The following SFRP5 variants were observed in gnomAD, a reference collection of about 807,000 sequenced individuals.
SFRP5 encodes secreted frizzled related protein 5.
In SFRP5, 22 loss-of-function variants were observed where a neutral mutation model predicts 27.0. The observed-to-expected ratio is 0.82, with a 90% confidence interval of 0.58 to 1.17. SFRP5 has a LOEUF of 1.17. Ranked by LOEUF, SFRP5 falls within the 50% of genes most tolerant of loss-of-function variation. The pLI is 0.00. For missense variants in SFRP5, 406 were observed against 436.6 expected (o/e 0.93, Z 0.63); for synonymous variants, 171 against 195.0 (o/e 0.88, Z 1.03).
Position 97,767,669 on chromosome 10 carries a change from C to A in SFRP5, c.799G>T (p.Val267Phe). The change falls in exon 3 of 3, where the codon GTC becomes TTC. Residue 267 changes from valine (V) to phenylalanine (F), a missense_variant. Transcript: ENST00000266066. ...QLDSLAGSFL[V>F]MGRKVDGQLL... ...TGTCCATCCACTTTGCGGCCCATGA[C>A]CAGGAAGCTGCCCGCCAGGCTGTCC... 3 of 1,614,136 alleles carry A rather than the reference C, an allele frequency of 1.9e-6. No homozygotes were observed. The highest frequency in any genetic ancestry group is 2.5e-6 in the Non-Finnish European group (3 of 1,180,040).
chr10:97,771,806 C>T lies in SFRP5; in HGVS notation c.28G>A (p.Val10Met). 1 of 1,214,426 alleles carries T rather than the reference C, an allele frequency of 8.2e-7. No individual in the cohort carries two copies. The highest frequency in any genetic ancestry group is 1.0e-6 in the Non-Finnish European group (1 of 981,678). The allele number at this position is 1,214,426 out of a possible 1,614,324, so 75.2% of individuals were successfully genotyped here. A position where few individuals can be genotyped will look rare whatever the true frequency, so the allele number is the denominator to read the frequency against. MRAAAAGGG[V>M]RTAALALLLG... ...AGCAGCGCCAGCGCGGCCGTCCGCA[C>T]GCCCCCCCCCGCCGCCGCCGCCCGC... The change falls in exon 1 of 3, where the codon GTG becomes ATG. Residue 10 changes from valine (V) to methionine (M), a missense_variant. By Grantham distance (21) the Val-to-Met change is conservative (BLOSUM62 1). Transcript: ENST00000266066. The surrounding 1 kb of genome is among the most constrained non-coding windows in gnomAD (Gnocchi z 5.2).
Position 97,767,584 on chromosome 10 carries a change from A to C in SFRP5, c.884T>G (p.Val295Gly), listed in dbSNP as rs2049491699. 9 of 1,613,352 alleles carry C rather than the reference A, an allele frequency of 5.6e-6. No individual in the cohort carries two copies. Among genetic ancestry groups the C allele is most frequent in the African/African-American group, 1.3e-5 (1 of 74,914 alleles). ...DKKNKEMKFAVKFMFSYPCSL... is the reference protein window; with the variant it reads ...DKKNKEMKFAGKFMFSYPCSL... The stretch of plus-strand genomic sequence containing the variant: ...GCAGGGGTAGGAGAACATGAATTTG[A>C]CTGCAAACTTCATCTCCTTATTCTT... Residue 295 changes from valine to glycine, a missense_variant, in exon 3 of 3, where the codon GTC becomes GGC. Physicochemically the swap from Val to Gly is moderately radical, Grantham distance 109. Transcript: ENST00000266066.
In SFRP5 at chr10:97,771,273, G is replaced by T; in HGVS notation, c.529+32C>A. On this transcript the variant is annotated intron_variant, in intron 1 of 2. Transcript: ENST00000266066. The surrounding 1 kb of genome is among the most constrained non-coding windows in gnomAD (Gnocchi z 5.2). ...GTGCTAGGGGAGCTGCAGGGCCGTC[G>T]GAGCGCGCGGGGACGGCGGCGGCGG... 2 of 1,469,214 alleles carry T rather than the reference G, an allele frequency of 1.4e-6. No homozygotes were observed. Among genetic ancestry groups the T allele is most frequent in the Non-Finnish European group, 1.8e-6 (2 of 1,096,034 alleles). 91.0% of individuals were successfully genotyped at this position (1,469,214 alleles called of 1,614,324 possible).
At chr10:97,770,995 G>A (rs1017205652) in intron 1 of SFRP5, among the ~76,000 whole-genome samples, 8 of 152,128 alleles carry the variant, frequency 5.3e-5, no homozygotes, top group Non-Finnish European at 1.0e-4. Flanking sequence ...GGATTGGGGG[G>A]ACGGCATTGG....
rs769455490 is a variant in SFRP5, at chr10:97,767,744, G to A, written c.724C>T (p.Arg242Trp). Reference sequence around the variant, plus strand: ...CCATTCTTCATGTGCAGCACCAGCCGCTTGGTGTCCTTGCGCTTCAGGGGG... The same window carrying A: ...CCATTCTTCATGTGCAGCACCAGCCACTTGGTGTCCTTGCGCTTCAGGGGG... ...PGPLKRKDTKRLVLHMKNGAG... is the reference protein window; with the variant it reads ...PGPLKRKDTKWLVLHMKNGAG... Residue 242 changes from arginine to tryptophan, a missense_variant, in exon 3 of 3, where the codon CGG becomes TGG. Coordinates refer to ENST00000266066, the MANE Select transcript of SFRP5 (RefSeq NM_003015.3). The A allele has an allele frequency of 5.0e-6, 8 of 1,606,786 alleles. No individual in the cohort carries two copies. Among genetic ancestry groups the A allele is most frequent in the South Asian group, 3.3e-5 (3 of 90,248 alleles).
chr10:97,770,954 G>A (rs2049511290), intron 1 of SFRP5, among the ~76,000 whole-genome samples: 1 of 152,138 alleles, frequency 6.6e-6, no homozygotes, highest in African/African-American at 2.4e-5. Context: ...TGGGCTGAGA[G>A]GGGTCATAAG....
chr10:97,768,749 A>T (rs2136472171), intron 2 of SFRP5, among the ~76,000 whole-genome samples: 1 of 152,116 alleles, frequency 6.6e-6, no homozygotes, highest in African/African-American at 2.4e-5. Context: ...CCTACAGTGG[A>T]CGTAGAGAGC....
Position 97,769,701 on chromosome 10 carries a change from C to G in SFRP5, c.574G>C (p.Gly192Arg). The G allele has an allele frequency of 6.2e-7, 1 of 1,613,478 alleles. No homozygotes were observed. Among genetic ancestry groups the G allele is most frequent in the Non-Finnish European group, 8.5e-7 (1 of 1,179,810 alleles). The change falls in exon 2 of 3, where the codon GGC becomes CGC. Residue 192 changes from glycine to arginine, a missense_variant. Physicochemically the swap from Gly to Arg is moderately radical, Grantham distance 125. Coordinates refer to ENST00000266066, the MANE Select transcript of SFRP5 (RefSeq NM_003015.3). ...AQCEMEHSADGLMEQMCSSDF... is the reference protein window; with the variant it reads ...AQCEMEHSADRLMEQMCSSDF... ...CTGGAGCACATCTGCTCCATGAGGC[C>G]GTCAGCACTGTGCTCCATCTCACAC...
In SFRP5 at chr10:97,767,470, G is replaced by GAGGGCAAGCAAGGCACAGCTGGC; in HGVS notation, c.*21_*43dup. On this transcript the variant is annotated 3_prime_UTR_variant, in exon 3 of 3. Coordinates refer to ENST00000266066, the MANE Select transcript of SFRP5 (RefSeq NM_003015.3). ...CAGCCTGGAAGTTGGGGCGGGGCCA[G>GAGGGCAAGCAAGGCACAGCTGGC]AGGGCAAGCAAGGCACAGCTGGCAG... 1 of 1,483,066 alleles carries GAGGGCAAGCAAGGCACAGCTGGC rather than the reference G, an allele frequency of 6.7e-7. No homozygotes were observed. The allele number at this position is 1,483,066 out of a possible 1,614,324, so 91.9% of individuals were successfully genotyped here. A position where few individuals can be genotyped will look rare whatever the true frequency, so the allele number is the denominator to read the frequency against.
chr10:97,771,484 A>G lies in SFRP5; in HGVS notation c.350T>C (p.Leu117Pro). Residue 117 changes from leucine to proline, a missense_variant, in exon 1 of 3, where the codon CTC becomes CCC. Leu to Pro is a moderately conservative substitution (Grantham distance 98, BLOSUM62 -3). Transcript: ENST00000266066. The surrounding 1 kb of genome is among the most constrained non-coding windows in gnomAD (Gnocchi z 5.2). Reference protein sequence around the residue: ...FLCSLFAPVCLDRPIYPCRSL... With the variant: ...FLCSLFAPVCPDRPIYPCRSL... ...GCGGCACGGGTAGATGGGCCGGTCGAGACAGACGGGCGCAAAGAGCGAGCA... is the reference window on the plus strand; with the variant it reads ...GCGGCACGGGTAGATGGGCCGGTCGGGACAGACGGGCGCAAAGAGCGAGCA... The G allele has an allele frequency of 6.2e-7, 1 of 1,611,356 alleles. No homozygotes were observed. Among genetic ancestry groups the G allele is most frequent in the Non-Finnish European group, 8.5e-7 (1 of 1,178,216 alleles).
rs1159054065 is a variant in SFRP5 at position 97,771,353 on chromosome 10, G to A, written c.481C>T (p.Leu161Phe). 3.7e-6 allele frequency: 6 copies of A among 1,609,164 alleles called. No individual in the cohort carries two copies. The highest frequency in any genetic ancestry group is 4.2e-6 in the Non-Finnish European group (5 of 1,177,848). Residue 161 changes from leucine to phenylalanine, a missense_variant, in exon 1 of 3, where the codon CTC becomes TTC. Transcript: ENST00000266066. The surrounding 1 kb of genome is among the most constrained non-coding windows in gnomAD (Gnocchi z 5.2). ...TGCCCGAACTGCACGGCGATGCAGAGGTCGTTGTCCAGGGGGAACTTGTGG... is the reference window on the plus strand; with the variant it reads ...TGCCCGAACTGCACGGCGATGCAGAAGTCGTTGTCCAGGGGGAACTTGTGG... Reference protein sequence around the residue: ...HCHKFPLDNDLCIAVQFGHLP... With the variant: ...HCHKFPLDNDFCIAVQFGHLP...
chr10:97,769,688 T>A lies in SFRP5; in HGVS notation c.587A>T (p.Gln196Leu), dbSNP rs1219279686. 3 of 1,613,020 alleles carry A rather than the reference T, an allele frequency of 1.9e-6. No homozygotes were observed. ...MEHSADGLMEQMCSSDFVVKM... is the reference protein window; with the variant it reads ...MEHSADGLMELMCSSDFVVKM... Reference sequence around the variant, plus strand: ...CTCACCAAAGTCACTGGAGCACATCTGCTCCATGAGGCCGTCAGCACTGTG... The same window carrying A: ...CTCACCAAAGTCACTGGAGCACATCAGCTCCATGAGGCCGTCAGCACTGTG... The change falls in exon 2 of 3, where the codon CAG becomes CTG. Residue 196 changes from glutamine (Q) to leucine (L), a missense_variant. By Grantham distance (113) the Gln-to-Leu change is moderately radical. Coordinates refer to ENST00000266066, the MANE Select transcript of SFRP5 (RefSeq NM_003015.3).
In SFRP5 at chr10:97,771,161, G is replaced by A. The variant is rs2049512766; in HGVS notation, c.529+144C>T. 4 of 575,194 alleles carry A rather than the reference G, an allele frequency of 7.0e-6. No individual in the cohort carries two copies. The South Asian group carries it at 9.7e-5, about 14-fold the overall frequency. The allele number at this position is 575,194 out of a possible 1,614,324, so 35.6% of individuals were successfully genotyped here. A position where few individuals can be genotyped will look rare whatever the true frequency, so the allele number is the denominator to read the frequency against. On this transcript the variant is annotated intron_variant, in intron 1 of 2. Transcript: ENST00000266066. The surrounding 1 kb of genome is among the most constrained non-coding windows in gnomAD (Gnocchi z 5.2). ...CGGGAAGGCTGCGGGGGATAATTCC[G>A]GGGACGCTGGGCTGAGCTAGGACAG...
In SFRP5 at chr10:97,771,701, G is replaced by C. The variant is rs1487279020; in HGVS notation, c.133C>G (p.Arg45Gly). 6.3e-6 allele frequency: 10 copies of C among 1,598,234 alleles called. No individual in the cohort carries two copies. In the South Asian group the frequency reaches 9.9e-5, roughly 16 times the overall value. ...CACTGCGGCGGCTTGGAGTAGGAGC[G>C]GCCGTGCAGCGGCTCGGCCTGCCAG... is the stretch of plus-strand genomic sequence containing the variant. ...YGWQAEPLHG[R>G]SYSKPPQCLD... is the part of the protein sequence containing the mutation. Residue 45 changes from arginine (R) to glycine (G), a missense_variant, in exon 1 of 3, where the codon CGC becomes GGC. Physicochemically the swap from Arg to Gly is moderately radical, Grantham distance 125. Coordinates refer to ENST00000266066, the MANE Select transcript of SFRP5 (RefSeq NM_003015.3). This position sits in a 1 kb window ranked among gnomAD's most constrained non-coding sequence, Gnocchi z 5.2.
chr10:97,768,216 A>G (rs965047335), intron 2 of SFRP5, among the ~76,000 whole-genome samples: 1 of 152,000 alleles, frequency 6.6e-6, no homozygotes, highest in African/African-American at 2.4e-5. Context: ...TAAGGAGTGG[A>G]TGGGACTGGG....
rs2136471451 is a variant in SFRP5 at position 97,767,631 on chromosome 10, C to T, written c.837G>A (p.Met279Ile). ...TCTTCTTGTCCCAGCGGTAGACGGC[C>T]ATGAGCAGCAGCTGTCCATCCACTT... is the stretch of plus-strand genomic sequence containing the variant. ...GRKVDGQLLL[M>I]AVYRWDKKNK... Residue 279 changes from methionine (M) to isoleucine (I), a missense_variant, in exon 3 of 3, where the codon ATG (methionine) becomes ATA (isoleucine). Transcript: ENST00000266066. 1 of 1,613,962 alleles carries T rather than the reference C, an allele frequency of 6.2e-7. No individual in the cohort carries two copies. Among genetic ancestry groups the T allele is most frequent in the Non-Finnish European group, 8.5e-7 (1 of 1,180,038 alleles).
In SFRP5 at chr10:97,771,813, C is replaced by G. The variant is rs1044860898; in HGVS notation, c.21G>C (p.Gly7=). MRAAAA[G]GGVRTAALAL... ...CCAGCGCGGCCGTCCGCACGCCCCC[C>G]CCCGCCGCCGCCGCCCGCATGGCTG... The change falls in exon 1 of 3, where the codon GGG becomes GGC. Residue 7 remains glycine (G), a synonymous_variant. Coordinates refer to ENST00000266066, the MANE Select transcript of SFRP5 (RefSeq NM_003015.3). The surrounding 1 kb of genome is among the most constrained non-coding windows in gnomAD (Gnocchi z 5.2). 9.5e-5 allele frequency: 115 copies of G among 1,204,628 alleles called. No homozygotes were observed. The highest frequency in any genetic ancestry group is 2.3e-4 in the Admixed American group (5 of 22,084). The allele number at this position is 1,204,628 out of a possible 1,614,324, so 74.6% of individuals were successfully genotyped here. A position where few individuals can be genotyped will look rare whatever the true frequency, so the allele number is the denominator to read the frequency against.
intron 2 of SFRP5, 97 bp downstream of exon 2, chr10:97,769,571 C>G: frequency 1.2e-6 from 1 of 804,414 alleles, no homozygotes; most frequent in Non-Finnish European, 2.1e-6. Flanking sequence ...TGTTGGGATT[C>G]ACTGTGATGG....
Position 97,771,830 on chromosome 10 carries a change from G to T in SFRP5, c.4C>A (p.Arg2=). The T allele has an allele frequency of 8.7e-7, 1 of 1,155,200 alleles. No homozygotes were observed. Among genetic ancestry groups the T allele is most frequent in the Non-Finnish European group, 1.1e-6 (1 of 944,172 alleles). 71.6% of individuals were successfully genotyped at this position (1,155,200 alleles called of 1,614,324 possible). A position where few individuals can be genotyped will look rare whatever the true frequency, so the allele number is the denominator to read the frequency against. The change falls in exon 1 of 3, where the codon CGG becomes AGG. Residue 2 remains arginine, a synonymous_variant. Coordinates refer to ENST00000266066, the MANE Select transcript of SFRP5 (RefSeq NM_003015.3). The surrounding 1 kb of genome is among the most constrained non-coding windows in gnomAD (Gnocchi z 5.2). ...ACGCCCCCCCCCGCCGCCGCCGCCC[G>T]CATGGCTGCGCCCTCTCCAGGTGCG... The part of the protein sequence containing the change: M[R]AAAAGGGVRT...
Sources: allele counts gnomAD v4.1 joint callset (sites outside exome capture counted in the v4.1 genomes callset), GRCh38; gene constraint gnomAD v4.1.1; non-coding constraint Gnocchi (gnomAD v3.1); transcripts MANE v1.5; gene names NCBI Gene and HGNC (gene_info 2026-07-23, HGNC 2026-07-21).